COP1: variants seen among roughly 807,000 people sequenced by gnomAD.
The protein encoded by COP1 is COP1 E3 ubiquitin ligase.
A neutral mutation model predicts 101.3 loss-of-function variants in COP1; 24 were observed. That is an observed-to-expected ratio of 0.24 (90% CI 0.17 to 0.33). COP1 has a LOEUF of 0.33. Among genes scored for constraint, COP1 ranks in the 10% least tolerant of loss-of-function variants. COP1 has a pLI of 1.00. For synonymous variants in COP1, 347 were observed against 341.9 expected (o/e 1.01, Z -0.17); for missense variants, 663 against 906.2 (o/e 0.73, Z 3.45).
intron 3 of COP1, among the ~76,000 whole-genome samples, chr1:176,172,995 G>A (rs7521561): frequency 0.053 from 8,089 of 152,172 alleles, 465 homozygotes; most frequent in Middle Eastern, 0.14. Flanking sequence ...AGAGATCACC[G>A]TCAAGATAAC....
chr1:176,058,289 G>C (rs1405238840), intron 11 of COP1, among the ~76,000 whole-genome samples: 1 of 152,132 alleles, frequency 6.6e-6, no homozygotes, highest in Admixed American at 6.5e-5. Context: ...CATTGAGAAC[G>C]GGCCATGATG....
chr1:176,058,429 A>G (rs1357632606), intron 11 of COP1, among the ~76,000 whole-genome samples: 2 of 152,198 alleles, frequency 1.3e-5, no homozygotes, highest in Non-Finnish European at 2.9e-5. Flanking sequence ...ACTAAGAAAA[A>G]TTCTTATCCT....
intron 9 of COP1, among the ~76,000 whole-genome samples, chr1:176,098,632 G>A (rs948758938): frequency 8.5e-5 from 13 of 152,142 alleles, no homozygotes; most frequent in East Asian, 1.9e-4. Context: ...GCAGAAAAAC[G>A]TACTCTTAAG....
chr1:176,006,606 G>A (rs568264859), intron 15 of COP1, among the ~76,000 whole-genome samples: 4 of 152,294 alleles, frequency 2.6e-5, no homozygotes, highest in East Asian at 3.9e-4. Context: ...CTTTGCTTAC[G>A]AAGCTTAGTT....
chr1:175,972,975 G>A (rs1463364143), intron 18 of COP1, among the ~76,000 whole-genome samples: 1 of 151,864 alleles, frequency 6.6e-6, no homozygotes, highest in Non-Finnish European at 1.5e-5. Flanking sequence ...TGAGATTACA[G>A]GCATGCGCCA....
At chr1:175,953,370 T>C (rs1485774017) in intron 18 of COP1, among the ~76,000 whole-genome samples, 2 of 152,146 alleles carry the variant, frequency 1.3e-5, no homozygotes, top group African/African-American at 4.8e-5. Flanking sequence ...ACTGTATTGA[T>C]AATTAAGTAT....
intron 18 of COP1, among the ~76,000 whole-genome samples, chr1:175,959,929 C>A (rs1024414101): frequency 2.6e-5 from 4 of 151,796 alleles, no homozygotes; most frequent in African/African-American, 9.7e-5. Flanking sequence ...GTGGTTATAT[C>A]CTCCCTTTAT....
intron 5 of COP1, among the ~76,000 whole-genome samples, chr1:176,159,883 C>G (rs1694031483): frequency 6.6e-6 from 1 of 152,112 alleles, no homozygotes; most frequent in Non-Finnish European, 1.5e-5. Flanking sequence ...ATAATTACTT[C>G]TTAAGTCAGA....
chr1:175,991,414 C>CT (rs952584987), intron 15 of COP1, among the ~76,000 whole-genome samples: 8 of 152,056 alleles, frequency 5.3e-5, no homozygotes, highest in Admixed American at 4.6e-4. Context: ...ATACAGGGGA[C>CT]TTATGATGAA....
At chr1:176,002,543 T>C (rs1257863449) in intron 15 of COP1, among the ~76,000 whole-genome samples, 1 of 130,722 alleles carries the variant, frequency 7.6e-6, no homozygotes, top group Non-Finnish European at 1.6e-5. Context: ...AGCGTGATAT[T>C]CCCCTTCCTG....
At chr1:176,174,883 A>G (rs1696688710) in intron 3 of COP1, among the ~76,000 whole-genome samples, 1 of 152,182 alleles carries the variant, frequency 6.6e-6, no homozygotes, top group Non-Finnish European at 1.5e-5. Flanking sequence ...CATTCCCAAA[A>G]CATTCAGATT....
chr1:175,995,521 G>C (rs1659915924), intron 15 of COP1, among the ~76,000 whole-genome samples: 1 of 152,108 alleles, frequency 6.6e-6, no homozygotes, highest in South Asian at 2.1e-4. Flanking sequence ...AAGAAGAAAA[G>C]AGAGAAGAAT....
intron 11 of COP1, among the ~76,000 whole-genome samples, chr1:176,063,091 C>T (rs1188305442): frequency 2.7e-5 from 3 of 111,618 alleles, no homozygotes; most frequent in Admixed American, 1.4e-4. Flanking sequence ...CTCGCTCTGT[C>T]GCCCAGGCCG....
intron 1 of COP1, 178 bp downstream of exon 1, chr1:176,206,394 C>A: frequency 1.5e-6 from 1 of 646,186 alleles, no homozygotes; most frequent in Non-Finnish European, 2.6e-6. Flanking sequence ...CATTCCTTCA[C>A]CCCACCAACC....
At position 176,207,053 on chromosome 1, in the gene COP1, C is replaced by T. The variant is rs1700939635; in HGVS notation, c.-75G>A. 2.4e-6 allele frequency: 3 copies of T among 1,231,386 alleles called. No homozygotes were observed. Among genetic ancestry groups the T allele is most frequent in the Admixed American group, 4.1e-5 (1 of 24,576 alleles). The allele number at this position is 1,231,386 out of a possible 1,614,324, so 76.3% of individuals were successfully genotyped here. A position where few individuals can be genotyped will look rare whatever the true frequency, so the allele number is the denominator to read the frequency against. On this transcript the variant is annotated 5_prime_UTR_variant, in exon 1 of 20. Coordinates refer to ENST00000367669, the MANE Select transcript of COP1 (RefSeq NM_022457.7). ...CTCGACCCTCCGCCGCCTCCCCTCCCCTCAGCCTCAGTGCATCCTGAGGAC... is the reference window on the plus strand; with the variant it reads ...CTCGACCCTCCGCCGCCTCCCCTCCTCTCAGCCTCAGTGCATCCTGAGGAC...
intron 9 of COP1, among the ~76,000 whole-genome samples, chr1:176,113,150 G>A (rs966546858): frequency 6.6e-6 from 1 of 151,972 alleles, no homozygotes; most frequent in African/African-American, 2.4e-5. Context: ...ATGGCTGTAC[G>A]ACTTTACATT....
At chr1:176,006,365 T>C (rs992676321) in intron 15 of COP1, among the ~76,000 whole-genome samples, 2 of 152,208 alleles carry the variant, frequency 1.3e-5, no homozygotes, top group Non-Finnish European at 2.9e-5. Flanking sequence ...GTTAATATTG[T>C]TATGTGTGAA....
intron 15 of COP1, among the ~76,000 whole-genome samples, chr1:176,006,689 T>C (rs1352627726): frequency 2.0e-5 from 3 of 152,248 alleles, no homozygotes; most frequent in Non-Finnish European, 4.4e-5. Context: ...CACTCTCTTC[T>C]GGCTTGTAGG....
At chr1:175,987,560 A>C (rs1345466267) in intron 17 of COP1, among the ~76,000 whole-genome samples, 2 of 152,224 alleles carry the variant, frequency 1.3e-5, no homozygotes, top group Non-Finnish European at 2.9e-5. Flanking sequence ...CATAGCCTAC[A>C]TAATTTATTT....
Sources: gnomAD v4.1 joint callset for allele counts (sites outside exome capture counted in the v4.1 genomes callset) on GRCh38, gnomAD v4.1.1 for gene constraint, MANE v1.5 for transcripts, NCBI Gene and HGNC (gene_info 2026-07-23, HGNC 2026-07-21) for gene names.